The following RPS6KA2 variants were observed in gnomAD, a reference collection of about 807,000 sequenced individuals.
The protein encoded by RPS6KA2 is ribosomal protein S6 kinase alpha-2.
In RPS6KA2, 42 loss-of-function variants were observed where a neutral mutation model predicts 91.8. The observed-to-expected ratio is 0.46, with a 90% CI of 0.36 to 0.59. The LOEUF (loss-of-function observed/expected upper bound fraction) is 0.59. Among genes scored for constraint, RPS6KA2 ranks in the 20% least tolerant of loss-of-function variants. The pLI, the probability that RPS6KA2 is intolerant of heterozygous loss-of-function variation, is 0.00. For missense variants in RPS6KA2, 798 were observed against 978.5 expected (o/e 0.82, Z 2.46); for synonymous variants, 414 against 393.6 (o/e 1.05, Z -0.61).
chr6:166,652,507 G>T (rs117062537), intron 2 of RPS6KA2, among the ~76,000 whole-genome samples: 1 of 152,144 alleles, frequency 6.6e-6, no homozygotes, highest in Non-Finnish European at 1.5e-5. Context: ...TCTCGATGGC[G>T]CAACCATGAA....
chr6:166,806,608 AC>A (rs1312731196), intron 2 of RPS6KA2, among the ~76,000 whole-genome samples: 2 of 152,204 alleles, frequency 1.3e-5, no homozygotes, highest in Non-Finnish European at 2.9e-5. Context: ...TTATCATGAG[AC>A]CTGACCTTCA....
intron 2 of RPS6KA2, among the ~76,000 whole-genome samples, chr6:166,721,502 TAGA>T (rs1328368602): frequency 6.6e-6 from 1 of 152,234 alleles, no homozygotes; most frequent in Non-Finnish European, 1.5e-5. Context: ...TTAAAACTTC[TAGA>T]AGATCAAGCT....
intron 2 of RPS6KA2, among the ~76,000 whole-genome samples, chr6:166,756,269 A>G (rs1369712610): frequency 1.3e-5 from 2 of 152,194 alleles, no homozygotes; most frequent in South Asian, 2.1e-4. Flanking sequence ...CAGCCTGGGC[A>G]ACAGAGCGAG....
At chr6:166,807,687 G>A (rs766691142) in intron 2 of RPS6KA2, among the ~76,000 whole-genome samples, 4 of 151,788 alleles carry the variant, frequency 2.6e-5, no homozygotes, top group Non-Finnish European at 5.9e-5. Context: ...GGTCACGCTG[G>A]CCTCCCACAG....
chr6:166,530,640 G>A (rs1048224529), intron 3 of RPS6KA2, among the ~76,000 whole-genome samples: 1 of 152,242 alleles, frequency 6.6e-6, no homozygotes, highest in Non-Finnish European at 1.5e-5. Context: ...TGAATAGGAG[G>A]TGATCAGAAC....
At chr6:166,680,477 T>G (rs1307614610) in intron 2 of RPS6KA2, among the ~76,000 whole-genome samples, 1 of 152,092 alleles carries the variant, frequency 6.6e-6, no homozygotes, top group Non-Finnish European at 1.5e-5. Context: ...TTTGTTTTTT[T>G]GCTCTTTGTA....
intron 2 of RPS6KA2, among the ~76,000 whole-genome samples, chr6:166,790,688 A>G (rs567890994): frequency 2.4e-4 from 36 of 152,396 alleles, no homozygotes; most frequent in Non-Finnish European, 4.8e-4. Flanking sequence ...TACAAGCCAG[A>G]GGAGAGTGGG....
At chr6:166,660,397 C>CGTGT (rs1241926275) in intron 2 of RPS6KA2, among the ~76,000 whole-genome samples, 47 of 108,044 alleles carry the variant, frequency 4.4e-4, no homozygotes, top group Admixed American at 8.0e-4. Context: ...GGCATGCGTG[C>CGTGT]GTGTGTGTGT....
intron 2 of RPS6KA2, among the ~76,000 whole-genome samples, chr6:166,730,226 C>T (rs1475194569): frequency 1.3e-5 from 2 of 152,184 alleles, no homozygotes; most frequent in Non-Finnish European, 2.9e-5. Context: ...ATCTTTGGCA[C>T]ATTTCTCCAG....
At chr6:166,659,160 A>G (rs946627917) in intron 2 of RPS6KA2, among the ~76,000 whole-genome samples, 4 of 135,830 alleles carry the variant, frequency 2.9e-5, no homozygotes, top group African/African-American at 1.1e-4. Flanking sequence ...AATGAGCATG[A>G]AGAAAATGAG....
chr6:166,770,317 C>A lies in RPS6KA2; in HGVS notation c.123+87883G>T, dbSNP rs1441822607. Among the ~76,000 whole-genome samples the A allele has an allele frequency of 2.0e-5, 3 of 152,344 alleles. No individual in the cohort carries two copies. The East Asian group carries it at 5.8e-4, about 29-fold the overall frequency. On this transcript the variant is annotated intron_variant, in intron 2 of 21. Transcript: ENST00000503859. This position sits in a 1 kb window ranked among gnomAD's most constrained non-coding sequence, Gnocchi z 5.1. Reference sequence around the variant, plus strand: ...TGAAATAGGAGAAATCTACCTCCATCTAAAATTATCTATTTTAGTCCTAAT... The same window carrying A: ...TGAAATAGGAGAAATCTACCTCCATATAAAATTATCTATTTTAGTCCTAAT...
At chr6:166,589,238 A>T (rs1785280952) in intron 1 of RPS6KA2, among the ~76,000 whole-genome samples, 1 of 152,246 alleles carries the variant, frequency 6.6e-6, no homozygotes, top group African/African-American at 2.4e-5. Context: ...AGTGTGGAGA[A>T]AGCGTCTGCT....
In RPS6KA2 at chr6:166,648,612, G is replaced by C. The variant is rs1787748474; in HGVS notation, c.124-109828C>G. On this transcript the variant is annotated intron_variant, in intron 2 of 21. Transcript: ENST00000503859. The surrounding 1 kb of genome is among the most constrained non-coding windows in gnomAD (Gnocchi z 4.8). ...CATTTTAGTATTTTCACCTATCACC[G>C]CCACGCAGCTGACTTCTTAATCTGT... Among the ~76,000 whole-genome samples, 1 of 152,114 alleles carries C rather than the reference G, an allele frequency of 6.6e-6. No individual in the cohort carries two copies. Among genetic ancestry groups the C allele is most frequent in the Non-Finnish European group, 1.5e-5 (1 of 68,020 alleles).
At chr6:166,841,884 T>A (rs558840338) in intron 2 of RPS6KA2, among the ~76,000 whole-genome samples, 1 of 152,120 alleles carries the variant, frequency 6.6e-6, no homozygotes, top group African/African-American at 2.4e-5. Flanking sequence ...TAATCACCAA[T>A]TGGTCCCCGC....
At chr6:166,480,378 C>T (rs972096270) in intron 10 of RPS6KA2, among the ~76,000 whole-genome samples, 1 of 151,134 alleles carries the variant, frequency 6.6e-6, no homozygotes, top group Non-Finnish European at 1.5e-5. Flanking sequence ...CTTTCAATAG[C>T]CCCTTCGTAA....
chr6:166,789,357 T>C (rs12213495), intron 2 of RPS6KA2, among the ~76,000 whole-genome samples: 52,900 of 152,126 alleles, frequency 0.35, 9,918 homozygotes, highest in African/African-American at 0.47. Context: ...ACAAAGCAGC[T>C]GGGAAGCTCG....
chr6:166,619,773 T>G (rs767691952), intron 1 of RPS6KA2, among the ~76,000 whole-genome samples: 2 of 152,234 alleles, frequency 1.3e-5, no homozygotes, highest in Non-Finnish European at 2.9e-5. Context: ...CACATGATAT[T>G]ATGGATGTAA....
intron 2 of RPS6KA2, among the ~76,000 whole-genome samples, chr6:166,719,074 CCT>C (rs1461728585): frequency 7.2e-5 from 11 of 152,180 alleles, no homozygotes; most frequent in African/African-American, 2.7e-4. Flanking sequence ...GGCCACACAA[CCT>C]CTGTCACGCC....
chr6:166,850,512 G>A (rs1024809173), intron 2 of RPS6KA2, among the ~76,000 whole-genome samples: 10 of 152,266 alleles, frequency 6.6e-5, no homozygotes, highest in East Asian at 3.9e-4. Flanking sequence ...AAAAGCCCCC[G>A]GATTTTTGTG....
Sources: gnomAD v4.1 joint callset for allele counts (sites outside exome capture counted in the v4.1 genomes callset) on GRCh38, gnomAD v4.1.1 for gene constraint, Gnocchi (gnomAD v3.1) non-coding constraint, MANE v1.5 for transcripts, NCBI Gene and HGNC (gene_info 2026-07-23, HGNC 2026-07-21) for gene names.